The following ARFGEF1 variants were observed in gnomAD, a reference collection of about 807,000 sequenced individuals.
The protein encoded by ARFGEF1 is ARF guanine nucleotide exchange factor 1, also known as brefeldin A-inhibited guanine nucleotide-exchange protein 1.
ARFGEF1 carries 42 observed loss-of-function variants against 231.0 expected under a neutral mutation model. That is an observed-to-expected ratio of 0.18 (90% confidence interval 0.14 to 0.24). The LOEUF is 0.24. ARFGEF1 is among the 10% of genes least tolerant of loss of function. The pLI, the probability that ARFGEF1 is intolerant of heterozygous loss-of-function variation, is 1.00. For synonymous variants in ARFGEF1, 710 were observed against 732.3 expected, an observed-to-expected ratio of 0.97 and a Z score of 0.49; for missense variants, 1,345 against 2,192.0, an observed-to-expected ratio of 0.61 and a Z score of 7.72.
rs751612635 is a variant in ARFGEF1 at position 67,177,636 on chromosome 8, A to G, written c.561-2064T>C. 5.2e-6 allele frequency: 7 copies of G among 1,357,032 alleles called. No individual in the cohort carries two copies. The East Asian group carries it at 1.6e-4, about 31-fold the overall frequency. The allele number at this position is 1,357,032 out of a possible 1,614,324, so 84.1% of individuals were successfully genotyped here. A position where few individuals can be genotyped will look rare whatever the true frequency, so the allele number is the denominator to read the frequency against. ...CTAAAATTTAATTTATATAGTAAGC[A>G]TTTTCTGACCTTTTAATTTGCTTTT... On this transcript the variant is annotated intron_variant, in intron 5 of 5. Transcript: ENST00000518789.
chr8:67,291,382 T>C (rs1449967293), intron 6 of ARFGEF1, among the ~76,000 whole-genome samples: 1 of 151,816 alleles, frequency 6.6e-6, no homozygotes, highest in East Asian at 1.9e-4. Context: ...TATCAGTTGG[T>C]TACTCAAAAA....
At chr8:67,310,288 G>A (rs908723819) in intron 1 of ARFGEF1, among the ~76,000 whole-genome samples, 7 of 152,192 alleles carry the variant, frequency 4.6e-5, no homozygotes, top group Non-Finnish European at 7.4e-5. Context: ...TGGTGGAGAC[G>A]GGGTTTCGCT....
At chr8:67,330,649 A>G (rs767211782) in intron 1 of ARFGEF1, among the ~76,000 whole-genome samples, 50 of 152,208 alleles carry the variant, frequency 3.3e-4, no homozygotes, top group Non-Finnish European at 6.6e-4. Context: ...ATAAAATCTT[A>G]ACTACTGACT....
intron 22 of ARFGEF1, among the ~76,000 whole-genome samples, chr8:67,235,612 T>C (rs1431429576): frequency 6.6e-6 from 1 of 152,108 alleles, no homozygotes; most frequent in Non-Finnish European, 1.5e-5. Context: ...GAGGATCACC[T>C]GAAGCCCGGA....
At chr8:67,200,296 G>T (rs563576991) in intron 38 of ARFGEF1, 100 bp downstream of exon 38, 1 of 853,522 alleles carries the variant, frequency 1.2e-6, no homozygotes, top group South Asian at 1.3e-5. Flanking sequence ...GGCACTGCTT[G>T]ATTCATCTCT....
intron 23 of ARFGEF1, among the ~76,000 whole-genome samples, chr8:67,230,416 T>C (rs1232143803): frequency 6.6e-6 from 1 of 152,134 alleles, no homozygotes; most frequent in Non-Finnish European, 1.5e-5. Flanking sequence ...TGCAAAACTT[T>C]TGCAGATTCT....
chr8:67,225,080 T>C lies in ARFGEF1; in HGVS notation c.4078-47A>G, dbSNP rs10095446. The C allele has an allele frequency of 0.01, 15,630 of 1,507,824 alleles. 968 individuals are homozygous for C. The African/African-American group carries it at 0.16, about 16-fold the overall frequency. The allele number at this position is 1,507,824 out of a possible 1,614,324, so 93.4% of individuals were successfully genotyped here. ...TATTAAAGGCAAAACATAACACCCATACATTCAGTATACTAACTTCTCAAA... is the reference window on the plus strand; with the variant it reads ...TATTAAAGGCAAAACATAACACCCACACATTCAGTATACTAACTTCTCAAA... On this transcript the variant is annotated intron_variant, in intron 28 of 38. Coordinates refer to ENST00000262215, the MANE Select transcript of ARFGEF1 (RefSeq NM_006421.5).
intron 38 of ARFGEF1, 36 bp from the exon 39 acceptor site, chr8:67,199,134 T>G (rs1444269488): frequency 4.4e-6 from 7 of 1,592,386 alleles, no homozygotes; most frequent in Non-Finnish European, 6.0e-6. Context: ...TAGTAGTGAT[T>G]GCAAACTGCA....
chr8:67,335,101 ATTTTTTT>A (rs1166810807), intron 1 of ARFGEF1, among the ~76,000 whole-genome samples: 7 of 132,366 alleles, frequency 5.3e-5, no homozygotes, highest in Non-Finnish European at 1.1e-4. Flanking sequence ...ATCACGGTAA[ATTTTTTT>A]TTTTTTTTTT....
At chr8:67,265,485 T>C (rs1587166142) in intron 14 of ARFGEF1, among the ~76,000 whole-genome samples, 1 of 152,084 alleles carries the variant, frequency 6.6e-6, no homozygotes, top group African/African-American at 2.4e-5. Context: ...AGCAGGCAGG[T>C]ATCACAAAGC....
chr8:67,237,765 C>T (rs1224707868), intron 22 of ARFGEF1, among the ~76,000 whole-genome samples: 1 of 152,150 alleles, frequency 6.6e-6, no homozygotes, highest in African/African-American at 2.4e-5. Flanking sequence ...AGAATTCAAA[C>T]CCAGAAATAC....
chr8:67,251,968 G>A (rs1426141073), intron 18 of ARFGEF1, among the ~76,000 whole-genome samples: 3 of 152,068 alleles, frequency 2.0e-5, no homozygotes, highest in African/African-American at 4.8e-5. Context: ...GCAGAAGAGA[G>A]GTAAAATGCA....
At chr8:67,199,821 A>G (rs1298623860) in intron 38 of ARFGEF1, 2 of 165,056 alleles carry the variant, frequency 1.2e-5, no homozygotes, top group African/African-American at 4.8e-5. Flanking sequence ...GTAAGTTGCT[A>G]TTTTTTTTTC....
chr8:67,332,402 G>A (rs530529760), intron 1 of ARFGEF1, among the ~76,000 whole-genome samples: 28 of 152,296 alleles, frequency 1.8e-4, no homozygotes, highest in Non-Finnish European at 2.4e-4. Flanking sequence ...GAATCCCTGG[G>A]AGGTGTTACA....
At chr8:67,178,965 A>G (rs1226586995) in intron 5 of ARFGEF1, among the ~76,000 whole-genome samples, 1 of 152,220 alleles carries the variant, frequency 6.6e-6, no homozygotes, top group Non-Finnish European at 1.5e-5. Context: ...TGAGTGGGAC[A>G]GGAGGCTATT....
intron 34 of ARFGEF1, among the ~76,000 whole-genome samples, chr8:67,208,661 AC>A (rs1563836905): frequency 6.6e-6 from 1 of 151,746 alleles, no homozygotes; most frequent in African/African-American, 2.4e-5. Context: ...AACAAAAAAA[AC>A]ACTTCATAGA....
intron 4 of ARFGEF1, 135 bp downstream of exon 4, chr8:67,299,074 G>T: frequency 1.2e-6 from 1 of 868,922 alleles, no homozygotes; most frequent in Non-Finnish European, 1.6e-6. Context: ...ATGAGCCACT[G>T]AGCCCGGCCT....
intron 37 of ARFGEF1, among the ~76,000 whole-genome samples, chr8:67,200,890 G>A (rs1262615527): frequency 6.6e-6 from 1 of 152,142 alleles, no homozygotes; most frequent in Non-Finnish European, 1.5e-5. Context: ...GGCCCTGTGG[G>A]GCCTTAATCA....
At chr8:67,290,233 C>CGGT (rs1563892583) in intron 6 of ARFGEF1, among the ~76,000 whole-genome samples, 1 of 152,154 alleles carries the variant, frequency 6.6e-6, no homozygotes, top group Non-Finnish European at 1.5e-5. Flanking sequence ...GCTTCTACAG[C>CGGT]GGTACCTCAC....
Sources: allele counts gnomAD v4.1 joint callset (sites outside exome capture counted in the v4.1 genomes callset), GRCh38; gene constraint gnomAD v4.1.1; transcripts MANE v1.5; gene names NCBI Gene and HGNC (gene_info 2026-07-23, HGNC 2026-07-21).